Variants in TIAL1 observed in about 807,000 individuals in gnomAD.
TIAL1 encodes TIA1 cytotoxic granule associated RNA binding protein like 1.
Under a neutral mutation model 59.7 loss-of-function variants are expected in TIAL1, and 7 were observed. The observed-to-expected ratio is 0.12, with a 90% CI of 0.07 to 0.22. The LOEUF (loss-of-function observed/expected upper bound fraction) is 0.22. Among genes scored for constraint, TIAL1 ranks in the 10% least tolerant of loss-of-function variants. The pLI is 1.00. For synonymous variants in TIAL1, 149 were observed against 146.3 expected (o/e 1.02, Z -0.13); for missense variants, 225 against 462.5 (o/e 0.49, Z 4.71).
At position 119,582,451 on chromosome 10, in the gene TIAL1, T is replaced by C. The variant is rs778990799; in HGVS notation, c.228+8A>G. 12 of 1,589,494 alleles carry C rather than the reference T, an allele frequency of 7.5e-6. No homozygotes were observed. The highest frequency in any genetic ancestry group is 2.7e-5 in the African/African-American group (2 of 73,586). On this transcript the variant is annotated splice_region_variant and intron_variant, in intron 3 of 11. Transcript: ENST00000436547. This position sits in a 1 kb window ranked among gnomAD's most constrained non-coding sequence, Gnocchi z 5.1. ...TACTCATAAGGTGCCATCATCCTAT[T>C]ATCTTACCTTTCCCAAAATTTTTCT...
Position 119,582,050 on chromosome 10 carries a change from A to T in TIAL1, c.284-41T>A. The T allele has an allele frequency of 1.2e-6, 2 of 1,608,546 alleles. No individual in the cohort carries two copies. The highest frequency in any genetic ancestry group is 1.7e-6 in the Non-Finnish European group (2 of 1,175,408). ...TTGGTAATCAAATACTTAAGAAGTC[A>T]GCCACTAAAACCTTTTTAAGGCAAC... On this transcript the variant is annotated intron_variant, in intron 4 of 11. Coordinates refer to ENST00000436547, the MANE Select transcript of TIAL1 (RefSeq NM_003252.4). The surrounding 1 kb of genome is among the most constrained non-coding windows in gnomAD (Gnocchi z 5.1).
chr10:119,592,334 T>A (rs1845922383), intron 1 of TIAL1: 1 of 152,220 alleles, frequency 6.6e-6, no homozygotes, highest in African/African-American at 2.4e-5. Context: ...CCTTTATCTC[T>A]AATATCAGGG....
In TIAL1 at chr10:119,582,144, A is replaced by T; in HGVS notation, c.283+25T>A. On this transcript the variant is annotated intron_variant, in intron 4 of 11. Transcript: ENST00000436547. This position sits in a 1 kb window ranked among gnomAD's most constrained non-coding sequence, Gnocchi z 5.1. The stretch of plus-strand genomic sequence containing the variant: ...CTGGATAATTTCAGAACTCTTCCAC[A>T]GTAAAATGCAGCAGGAGTACTTACT... The T allele has an allele frequency of 6.2e-7, 1 of 1,603,462 alleles. No individual in the cohort carries two copies. The highest frequency in any genetic ancestry group is 8.5e-7 in the Non-Finnish European group (1 of 1,176,790).
intron 9 of TIAL1, 29 bp from the exon 10 acceptor site, chr10:119,577,232 CTTTTATT>C (rs1564732731): frequency 1.3e-6 from 2 of 1,579,782 alleles, no homozygotes; most frequent in East Asian, 2.2e-5. Flanking sequence ...ATGGTTTTGT[CTTTTATT>C]TTTTAAGAAC....
At chr10:119,583,869 A>G (rs1475040262) in intron 2 of TIAL1, among the ~76,000 whole-genome samples, 2 of 152,232 alleles carry the variant, frequency 1.3e-5, no homozygotes, top group African/African-American at 4.8e-5. Flanking sequence ...ATGGGGGAAG[A>G]CTTCAAATGA....
At chr10:119,576,271 T>C (rs1353555917) in intron 11 of TIAL1, among the ~76,000 whole-genome samples, 5 of 147,694 alleles carry the variant, frequency 3.4e-5, no homozygotes, top group African/African-American at 1.2e-4. Flanking sequence ...ACATACCACA[T>C]AGGCATAAAA....
At chr10:119,579,094 T>C (rs773175823) in intron 6 of TIAL1, among the ~76,000 whole-genome samples, 10 of 152,318 alleles carry the variant, frequency 6.6e-5, no homozygotes, top group Admixed American at 2.6e-4. Context: ...CCCAGCACTT[T>C]GGGAGGCCAA....
rs542604655 is a variant in TIAL1, at chr10:119,584,237, A to C, written c.130-1680T>G. On this transcript the variant is annotated intron_variant, in intron 2 of 11. Transcript: ENST00000436547. ...ATTTTATATATTCACATCACACTGC[A>C]TATCATCTAATTTAAGACACCACTT... Among the ~76,000 whole-genome samples the C allele has an allele frequency of 2.0e-5, 3 of 152,330 alleles. No individual in the cohort carries two copies. The East Asian group carries it at 5.8e-4, about 29-fold the overall frequency.
chr10:119,581,457 A>G (rs1003150106), intron 5 of TIAL1, among the ~76,000 whole-genome samples: 3 of 152,020 alleles, frequency 2.0e-5, no homozygotes, highest in African/African-American at 7.2e-5. Flanking sequence ...ATAAAACATG[A>G]ACATTTCCAA....
At chr10:119,595,446 A>G (rs1475415984) in intron 1 of TIAL1, among the ~76,000 whole-genome samples, 2 of 151,942 alleles carry the variant, frequency 1.3e-5, no homozygotes, top group Non-Finnish European at 2.9e-5. Flanking sequence ...TTAAAAAAAA[A>G]AAAAAAGATG....
chr10:119,579,340 AAAAACAAAAC>A (rs368881636), intron 6 of TIAL1, among the ~76,000 whole-genome samples: 28 of 152,176 alleles, frequency 1.8e-4, no homozygotes, highest in African/African-American at 2.7e-4. Flanking sequence ...TCTATCTCAA[AAAAACAAAAC>A]AAAACAAAAC....
intron 1 of TIAL1, among the ~76,000 whole-genome samples, chr10:119,591,548 T>C (rs1295632220): frequency 6.6e-6 from 1 of 152,214 alleles, no homozygotes; most frequent in Non-Finnish European, 1.5e-5. Flanking sequence ...AATATCTAAG[T>C]TTAGAATGTC....
At chr10:119,578,916 G>A in intron 6 of TIAL1, 82 bp from the exon 7 acceptor site, 1 of 1,042,788 alleles carries the variant, frequency 9.6e-7, no homozygotes, top group South Asian at 1.3e-5. Flanking sequence ...TATCGGCGCT[G>A]CTGGTTCCAT....
chr10:119,584,045 CA>C (rs1375039030), intron 2 of TIAL1, among the ~76,000 whole-genome samples: 5 of 152,176 alleles, frequency 3.3e-5, no homozygotes, highest in African/African-American at 1.2e-4. Context: ...CTGATAATCA[CA>C]GCAAAACATA....
At chr10:119,584,266 T>C (rs1845436917) in intron 2 of TIAL1, among the ~76,000 whole-genome samples, 1 of 152,170 alleles carries the variant, frequency 6.6e-6, no homozygotes, top group African/African-American at 2.4e-5. Context: ...ACCACTTATT[T>C]CTAAGTCACA....
intron 1 of TIAL1, among the ~76,000 whole-genome samples, chr10:119,589,762 C>A (rs1483161315): frequency 6.6e-6 from 1 of 152,210 alleles, no homozygotes; most frequent in Non-Finnish European, 1.5e-5. Flanking sequence ...ATGGATTTAT[C>A]TTAATTTATC....
At chr10:119,590,278 T>C (rs1845781873) in intron 1 of TIAL1, among the ~76,000 whole-genome samples, 1 of 152,232 alleles carries the variant, frequency 6.6e-6, no homozygotes, top group Non-Finnish European at 1.5e-5. Flanking sequence ...TGTAGTGACA[T>C]ACTTTTTCCA....
At chr10:119,590,124 C>A (rs1290649833) in intron 1 of TIAL1, among the ~76,000 whole-genome samples, 1 of 152,170 alleles carries the variant, frequency 6.6e-6, no homozygotes, top group Non-Finnish European at 1.5e-5. Flanking sequence ...GCAATGAGTA[C>A]TAATAATCTT....
intron 1 of TIAL1, among the ~76,000 whole-genome samples, chr10:119,591,782 G>T (rs1845893274): frequency 6.6e-6 from 1 of 152,088 alleles, no homozygotes; most frequent in Non-Finnish European, 1.5e-5. Flanking sequence ...TTCTTTTACT[G>T]AGTTCTTGTA....
Sources: allele counts gnomAD v4.1 joint callset (sites outside exome capture counted in the v4.1 genomes callset), GRCh38; gene constraint gnomAD v4.1.1; non-coding constraint Gnocchi (gnomAD v3.1); transcripts MANE v1.5; gene names NCBI Gene and HGNC (gene_info 2026-07-23, HGNC 2026-07-21).